Variants in GRM5 observed in about 807,000 individuals in gnomAD.
GRM5 encodes the protein metabotropic glutamate receptor 5.
GRM5 carries 19 observed loss-of-function variants against 83.1 expected under a neutral mutation model. The observed-to-expected ratio is 0.23, with a 90% CI of 0.16 to 0.34. GRM5 has a LOEUF of 0.34. GRM5 is among the 10% of genes least tolerant of loss of function. The pLI, the probability that GRM5 is intolerant of heterozygous loss-of-function variation, is 1.00. For missense variants in GRM5, 1,160 were observed against 1,588.3 expected (o/e 0.73, Z 4.58); for synonymous variants, 675 against 633.6 (o/e 1.07, Z -0.98).
intron 2 of GRM5, among the ~76,000 whole-genome samples, chr11:89,014,484 G>A (rs543358446): frequency 2.0e-5 from 3 of 151,962 alleles, no homozygotes; most frequent in Admixed American, 2.0e-4. Context: ...TTGAACTAAT[G>A]TACATAGAGA....
chr11:88,757,768 C>T (rs1942426539), intron 3 of GRM5, among the ~76,000 whole-genome samples: 4 of 152,144 alleles, frequency 2.6e-5, no homozygotes, highest in Admixed American at 2.6e-4. Flanking sequence ...GCTACCTCTG[C>T]CACTGGCACA....
At chr11:88,741,086 G>C (rs1245196924) in intron 3 of GRM5, among the ~76,000 whole-genome samples, 1 of 152,058 alleles carries the variant, frequency 6.6e-6, no homozygotes, top group Non-Finnish European at 1.5e-5. Flanking sequence ...GGCAGACAAA[G>C]AGTTGGGAAA....
intron 3 of GRM5, among the ~76,000 whole-genome samples, chr11:88,833,890 C>G (rs1012630654): frequency 6.6e-6 from 1 of 152,104 alleles, no homozygotes; most frequent in African/African-American, 2.4e-5. Flanking sequence ...ATTACATGTT[C>G]TCACTCACAT....
chr11:88,523,740 C>T (rs571014277), intron 9 of GRM5, among the ~76,000 whole-genome samples: 2 of 152,290 alleles, frequency 1.3e-5, no homozygotes, highest in Admixed American at 1.3e-4. Flanking sequence ...GTATGCTGAA[C>T]AGTTCTGGGC....
chr11:88,574,939 T>C (rs1302787729), intron 7 of GRM5, among the ~76,000 whole-genome samples: 1 of 151,590 alleles, frequency 6.6e-6, no homozygotes, highest in Non-Finnish European at 1.5e-5. Flanking sequence ...GAAGGTCAGA[T>C]AGATGTACTT....
intron 4 of GRM5, among the ~76,000 whole-genome samples, chr11:88,652,913 T>C (rs911976481): frequency 2.0e-5 from 3 of 152,084 alleles, no homozygotes; most frequent in African/African-American, 7.2e-5. Flanking sequence ...CACAATGCCT[T>C]ATGGAAATAC....
rs192436901 is a variant in GRM5 at position 88,810,264 on chromosome 11, G to A, written c.911+39642C>T. The stretch of plus-strand genomic sequence containing the variant: ...TAAAAGCCAGTAATAATTAGGTTTG[G>A]ATAGCTGAGTAAAGCTTTGGTTAAA... On this transcript the variant is annotated intron_variant, in intron 3 of 9. Coordinates refer to ENST00000305447, the MANE Select transcript of GRM5 (RefSeq NM_001143831.3). Among the ~76,000 whole-genome samples the A allele has an allele frequency of 1.4e-3, 216 of 152,068 alleles. 1 individual carries two copies. The highest frequency in any genetic ancestry group is 4.8e-3 in the African/African-American group (198 of 41,522).
At chr11:88,822,193 T>C (rs966835599) in intron 3 of GRM5, among the ~76,000 whole-genome samples, 2 of 152,144 alleles carry the variant, frequency 1.3e-5, no homozygotes, top group African/African-American at 4.8e-5. Context: ...TATATCTTAG[T>C]TGGAAAGAGA....
intron 2 of GRM5, among the ~76,000 whole-genome samples, chr11:88,906,343 T>C (rs1321515534): frequency 6.6e-6 from 1 of 152,188 alleles, no homozygotes; most frequent in Non-Finnish European, 1.5e-5. Context: ...ATTATTACTT[T>C]ATTAGCCCTC....
intron 6 of GRM5, among the ~76,000 whole-genome samples, chr11:88,591,432 A>G (rs1340582686): frequency 2.0e-5 from 3 of 152,182 alleles, no homozygotes; most frequent in Non-Finnish European, 2.9e-5. Flanking sequence ...AAATAATTTA[A>G]CAGTTGAAAG....
intron 3 of GRM5, among the ~76,000 whole-genome samples, chr11:88,670,272 A>T (rs1940157538): frequency 6.6e-6 from 1 of 152,076 alleles, no homozygotes; most frequent in African/African-American, 2.4e-5. Flanking sequence ...CCTAAATAGG[A>T]ATGATAAAAT....
chr11:88,717,864 ACT>A (rs1941434503), intron 3 of GRM5, among the ~76,000 whole-genome samples: 2 of 81,510 alleles, frequency 2.5e-5, no homozygotes, highest in Non-Finnish European at 6.3e-5. Flanking sequence ...TTCTATAATA[ACT>A]ATTTATAGTT....
In GRM5 at chr11:88,863,855, C is replaced by A. The variant is rs1944612382; in HGVS notation, c.662-13700G>T. Among the ~76,000 whole-genome samples, 4 of 151,570 alleles carry A rather than the reference C, an allele frequency of 2.6e-5. No homozygotes were observed. In the South Asian group the frequency reaches 8.3e-4, roughly 32 times the overall value. ...GTTCCAGCACAACACTGGACTATGC[C>A]AATAAAATATCCTAAAATTCTTCTA... On this transcript the variant is annotated intron_variant, in intron 2 of 9. Transcript: ENST00000305447.
intron 3 of GRM5, among the ~76,000 whole-genome samples, chr11:88,664,031 T>C (rs1391480673): frequency 6.6e-6 from 1 of 152,196 alleles, no homozygotes; most frequent in African/African-American, 2.4e-5. Flanking sequence ...TTAACATTAC[T>C]GATTCATTTA....
intron 4 of GRM5, among the ~76,000 whole-genome samples, chr11:88,634,149 A>G (rs376684047): frequency 6.6e-6 from 1 of 152,314 alleles, no homozygotes; most frequent in East Asian, 1.9e-4. Flanking sequence ...CAATGAATAG[A>G]GCTTGCAGGA....
intron 2 of GRM5, among the ~76,000 whole-genome samples, chr11:88,937,458 T>C (rs972535667): frequency 3.3e-5 from 5 of 151,716 alleles, no homozygotes; most frequent in African/African-American, 1.2e-4. Flanking sequence ...CTTCATCCTT[T>C]CTGCTAACAA....
intron 4 of GRM5, among the ~76,000 whole-genome samples, chr11:88,649,269 T>C (rs1399845906): frequency 9.9e-5 from 3 of 30,316 alleles, no homozygotes; most frequent in Non-Finnish European, 5.0e-4. Flanking sequence ...ACATATATAT[T>C]ATATATTATA....
In GRM5 at chr11:88,918,251, T is replaced by C. The variant is rs536275095; in HGVS notation, c.662-68096A>G. Among the ~76,000 whole-genome samples the C allele has an allele frequency of 1.4e-4, 21 of 151,134 alleles. 1 individual carries two copies. The highest frequency in any genetic ancestry group is 5.1e-4 in the African/African-American group (21 of 41,230). On this transcript the variant is annotated intron_variant, in intron 2 of 9. Transcript: ENST00000305447. ...AACAAAAAAATCTTTTATCCAAGAA[T>C]AGTATATCCAGTGAAAATATCCTGC...
rs181932669 is a variant in GRM5 at position 88,909,730 on chromosome 11, T to C, written c.662-59575A>G. On this transcript the variant is annotated intron_variant, in intron 2 of 9. Coordinates refer to ENST00000305447, the MANE Select transcript of GRM5 (RefSeq NM_001143831.3). ...CTCATCTCTATAACCCCAGTTACCA[T>C]AGCAGTGTCTAGCACAAATGAGAAA... Among the ~76,000 whole-genome samples, 46 of 152,194 alleles carry C rather than the reference T, an allele frequency of 3.0e-4. No homozygotes were observed. The South Asian group carries it at 4.6e-3, about 15-fold the overall frequency.
Sources: gnomAD v4.1 joint callset for allele counts (sites outside exome capture counted in the v4.1 genomes callset) on GRCh38, gnomAD v4.1.1 for gene constraint, MANE v1.5 for transcripts, NCBI Gene and HGNC (gene_info 2026-07-23, HGNC 2026-07-21) for gene names.